The following LHX2 variants were observed in gnomAD, a reference collection of about 807,000 sequenced individuals.
LHX2 encodes the protein LIM homeobox 2.
In LHX2, 6 loss-of-function variants were observed where a neutral mutation model predicts 33.0. The ratio of observed to expected loss-of-function variants is 0.18; its 90% CI spans 0.10 to 0.36. LHX2 has a LOEUF of 0.36. LHX2 is among the 10% of genes least tolerant of loss of function. The pLI is 1.00. For missense variants in LHX2, 442 were observed against 586.2 expected (o/e 0.75, Z 2.54); for synonymous variants, 292 against 253.1 (o/e 1.15, Z -1.46).
At position 124,012,439 on chromosome 9, in the gene LHX2, T is replaced by C; in HGVS notation, c.91T>C (p.Ser31Pro). The C allele has an allele frequency of 6.5e-7, 1 of 1,540,542 alleles. No homozygotes were observed. Among genetic ancestry groups the C allele is most frequent in the East Asian group, 2.5e-5 (1 of 40,516 alleles). Residue 31 changes from serine (S) to proline (P), a missense_variant, in exon 1 of 5, where the codon TCC becomes CCC. Around this residue, in one of 5 missense-constraint regions of LHX2, gnomAD observed 97 missense variants for 81.5 expected, o/e 1.19. Transcript: ENST00000373615. This position sits in a 1 kb window ranked among gnomAD's most constrained non-coding sequence, Gnocchi z 4.3. ...RAKSEAPAIS[S>P]AIDRGDTETT... ...CAAGAGCGAGGCTCCCGCCATCAGCTCCGCCATCGACCGCGGCGACACCGA... is the reference window on the plus strand; with the variant it reads ...CAAGAGCGAGGCTCCCGCCATCAGCCCCGCCATCGACCGCGGCGACACCGA...
chr9:124,017,660 C>G (rs1229541687), intron 3 of LHX2, among the ~76,000 whole-genome samples: 1 of 152,202 alleles, frequency 6.6e-6, no homozygotes, highest in African/African-American at 2.4e-5. Context: ...CGACCCCTTG[C>G]AAAGCCTCTT....
intron 4 of LHX2, among the ~76,000 whole-genome samples, chr9:124,025,409 C>A (rs1311282117): frequency 6.7e-6 from 1 of 149,240 alleles, no homozygotes; most frequent in African/African-American, 2.5e-5. Context: ...CCACTGCACT[C>A]CAGCCTGGGC....
At chr9:124,027,889 A>G (rs1828650887) in intron 4 of LHX2, among the ~76,000 whole-genome samples, 1 of 146,862 alleles carries the variant, frequency 6.8e-6, no homozygotes, top group Non-Finnish European at 1.5e-5. Context: ...AAGGTACAAT[A>G]CCAGAAGGCA....
At chr9:124,023,944 C>T (rs371181364) in intron 4 of LHX2, among the ~76,000 whole-genome samples, 11 of 152,206 alleles carry the variant, frequency 7.2e-5, no homozygotes, top group African/African-American at 2.7e-4. Flanking sequence ...GCAGCATGAT[C>T]CCTCTTCCCC....
rs762815287 is a variant in LHX2 at position 124,032,598 on chromosome 9, C to A, written c.1112C>A (p.Thr371Asn). Residue 371 changes from threonine to asparagine, a missense_variant, in exon 5 of 5, where the codon ACT becomes AAT. Around this residue, in one of 5 missense-constraint regions of LHX2, gnomAD observed 109 missense variants for 98.7 expected, o/e 1.10. Coordinates refer to ENST00000373615, the MANE Select transcript of LHX2 (RefSeq NM_004789.4). The surrounding 1 kb of genome is among the most constrained non-coding windows in gnomAD (Gnocchi z 4.1). ...SSTPTTLTDL[T>N]SPTLPTVTSV... ...ACGCCCACCACCCTGACAGACTTGA[C>A]TAGCCCCACCCTGCCAACTGTGACG... is the stretch of plus-strand genomic sequence containing the variant. 3 of 1,614,202 alleles carry A rather than the reference C, an allele frequency of 1.9e-6. No homozygotes were observed. The Admixed American group carries it at 5.0e-5, about 27-fold the overall frequency.
At position 124,032,582 on chromosome 9, in the gene LHX2, AC is replaced by A; in HGVS notation, c.1099del (p.Leu367Ter). ...GCTCAGCCCCTCCAGCACGCCCACC[AC>A]CCTGACAGACTTGACTAGCCCCACC... The part of the protein sequence containing the change: ...ASLSPSSTPT[T>X]LTDLTSPTLP... On this transcript the variant is annotated frameshift_variant, in exon 5 of 5. Coordinates refer to ENST00000373615, the MANE Select transcript of LHX2 (RefSeq NM_004789.4). LOFTEE classifies it high-confidence loss of function. This position sits in a 1 kb window ranked among gnomAD's most constrained non-coding sequence, Gnocchi z 4.1. 6.2e-7 allele frequency: 1 copy of A among 1,613,816 alleles called. No homozygotes were observed. The highest frequency in any genetic ancestry group is 8.5e-7 in the Non-Finnish European group (1 of 1,179,944).
chr9:124,021,113 G>A lies in LHX2; in HGVS notation c.742G>A (p.Glu248Lys), dbSNP rs1303464139. Residue 248 changes from glutamate (E) to lysine (K), a missense_variant, in exon 4 of 5, where the codon GAA (glutamate) becomes AAA (lysine). Transcript: ENST00000373615. ...AAYNAALSCN[E>K]NDAEHLDRDQ... ...CTCCTCCCTAGCGCTAAGCTGCAAC[G>A]AAAACGACGCAGAGCACCTGGACCG... 1.2e-6 allele frequency: 2 copies of A among 1,614,040 alleles called. No homozygotes were observed. Among genetic ancestry groups the A allele is most frequent in the East Asian group, 2.2e-5 (1 of 44,894 alleles).
At chr9:124,013,898 C>T (rs1424365611) in intron 1 of LHX2, 63 bp from the exon 2 acceptor site, 2 of 1,523,396 alleles carry the variant, frequency 1.3e-6, no homozygotes, top group Admixed American at 1.7e-5. Context: ...GCCGGTTTCC[C>T]GGCGGCGGAG....
Position 124,032,577 on chromosome 9 carries a change from C to CTGA in LHX2, c.1091_1092insTGA (p.Pro364_Thr365insAsp). 1 of 1,614,176 alleles carries CTGA rather than the reference C, an allele frequency of 6.2e-7. No individual in the cohort carries two copies. Among genetic ancestry groups the CTGA allele is most frequent in the Non-Finnish European group, 8.5e-7 (1 of 1,180,022 alleles). On this transcript the variant is annotated inframe_insertion, in exon 5 of 5. Transcript: ENST00000373615. This position sits in a 1 kb window ranked among gnomAD's most constrained non-coding sequence, Gnocchi z 4.1. ...GCCTCGCTCAGCCCCTCCAGCACGC[C>CTGA]CACCACCCTGACAGACTTGACTAGC...
chr9:124,015,354 G>A lies in LHX2; in HGVS notation c.556G>A (p.Val186Met). 6.2e-7 allele frequency: 1 copy of A among 1,611,082 alleles called. No homozygotes were observed. The change falls in exon 3 of 5, where the codon GTG becomes ATG. Residue 186 changes from valine to methionine, a missense_variant. Val to Met is a conservative substitution (Grantham distance 21). Transcript: ENST00000373615. This position sits in a 1 kb window ranked among gnomAD's most constrained non-coding sequence, Gnocchi z 7.9. ...EYPAHFNHAD[V>M]AAAAAAAAAA... ...CCCCGCACACTTCAACCATGCCGACGTGGCAGCGGCGGCCGCTGCAGCCGC... is the reference window on the plus strand; with the variant it reads ...CCCCGCACACTTCAACCATGCCGACATGGCAGCGGCGGCCGCTGCAGCCGC...
Position 124,012,506 on chromosome 9 carries a change from G to T in LHX2, c.120+38G>T. The T allele has an allele frequency of 6.6e-7, 1 of 1,503,778 alleles. No individual in the cohort carries two copies. The highest frequency in any genetic ancestry group is 8.8e-7 in the Non-Finnish European group (1 of 1,132,334). The allele number at this position is 1,503,778 out of a possible 1,614,324, so 93.2% of individuals were successfully genotyped here. A position where few individuals can be genotyped will look rare whatever the true frequency, so the allele number is the denominator to read the frequency against. On this transcript the variant is annotated intron_variant, in intron 1 of 4. Coordinates refer to ENST00000373615, the MANE Select transcript of LHX2 (RefSeq NM_004789.4). This position sits in a 1 kb window ranked among gnomAD's most constrained non-coding sequence, Gnocchi z 4.3. ...CTGTGGGGTCGGGGCTGAGAGCTGG[G>T]ATGGGGCCGGGCCAGTCAGCGCCTC...
At position 124,013,993 on chromosome 9, in the gene LHX2, G is replaced by A. The variant is rs149553241; in HGVS notation, c.153G>A (p.Ala51=). Reference sequence around the variant, plus strand: ...CGTCCATCAGCAGTGACCGCGCCGCGCTGTGCGCCGGCTGCGGGGGCAAGA... The same window carrying A: ...CGTCCATCAGCAGTGACCGCGCCGCACTGTGCGCCGGCTGCGGGGGCAAGA... ...TMPSISSDRA[A]LCAGCGGKIS... Residue 51 remains alanine, a synonymous_variant, in exon 2 of 5, where the codon GCG becomes GCA. Coordinates refer to ENST00000373615, the MANE Select transcript of LHX2 (RefSeq NM_004789.4). 3.1e-6 allele frequency: 5 copies of A among 1,613,216 alleles called. No individual in the cohort carries two copies. The African/African-American group carries it at 4.0e-5, about 13-fold the overall frequency.
chr9:124,028,324 G>C (rs1044831860), intron 4 of LHX2, among the ~76,000 whole-genome samples: 1 of 152,204 alleles, frequency 6.6e-6, no homozygotes, highest in Non-Finnish European at 1.5e-5. Context: ...GTTGTGTCCT[G>C]ATGATTCTCT....
Position 124,032,312 on chromosome 9 carries a change from CA to C in LHX2, c.934-104del. ...AACCTGACTTTTTGGATCCTCTTGG[CA>C]AAACACAGATCAGCGTCCCCAGAGG... On this transcript the variant is annotated intron_variant, in intron 4 of 4. Coordinates refer to ENST00000373615, the MANE Select transcript of LHX2 (RefSeq NM_004789.4). The surrounding 1 kb of genome is among the most constrained non-coding windows in gnomAD (Gnocchi z 4.1). 7.4e-7 allele frequency: 1 copy of C among 1,342,806 alleles called. No individual in the cohort carries two copies. Among genetic ancestry groups the C allele is most frequent in the Non-Finnish European group, 9.9e-7 (1 of 1,005,438 alleles). 83.2% of individuals were successfully genotyped at this position (1,342,806 alleles called of 1,614,324 possible).
intron 4 of LHX2, among the ~76,000 whole-genome samples, chr9:124,023,426 G>C (rs906239846): frequency 3.3e-5 from 5 of 152,208 alleles, no homozygotes; most frequent in Non-Finnish European, 7.3e-5. Flanking sequence ...GGTCAGGGGA[G>C]GGAGGGCAGT....
At position 124,012,235 on chromosome 9, in the gene LHX2, G is replaced by A. The variant is rs1179529964; in HGVS notation, c.-114G>A. The A allele has an allele frequency of 4.5e-6, 5 of 1,115,076 alleles. No individual in the cohort carries two copies. The African/African-American group carries it at 5.0e-5, about 11-fold the overall frequency. The allele number at this position is 1,115,076 out of a possible 1,614,324, so 69.1% of individuals were successfully genotyped here. A position where few individuals can be genotyped will look rare whatever the true frequency, so the allele number is the denominator to read the frequency against. The stretch of plus-strand genomic sequence containing the variant: ...CTCAGCCGAGCTCGGGCGGGGCCGG[G>A]GCCGCGGTGGCGATGCACCGGGCCC... On this transcript the variant is annotated 5_prime_UTR_variant, in exon 1 of 5. Coordinates refer to ENST00000373615, the MANE Select transcript of LHX2 (RefSeq NM_004789.4). The surrounding 1 kb of genome is among the most constrained non-coding windows in gnomAD (Gnocchi z 4.3).
Position 124,015,032 on chromosome 9 carries a change from G to A in LHX2, c.324-90G>A, listed in dbSNP as rs1588345337. 8.1e-6 allele frequency: 12 copies of A among 1,473,604 alleles called. No homozygotes were observed. In the South Asian group the frequency reaches 1.5e-4, roughly 18 times the overall value. The allele number at this position is 1,473,604 out of a possible 1,614,324, so 91.3% of individuals were successfully genotyped here. On this transcript the variant is annotated intron_variant, in intron 2 of 4. Coordinates refer to ENST00000373615, the MANE Select transcript of LHX2 (RefSeq NM_004789.4). This position sits in a 1 kb window ranked among gnomAD's most constrained non-coding sequence, Gnocchi z 7.9. The stretch of plus-strand genomic sequence containing the variant: ...GGTTGTTCGTCTTGAGGAGGGGATT[G>A]CCCCCCGCAGCAGCAGCGGCACCTG...
rs913494301 is a variant in LHX2, at chr9:124,015,704, C to A, written c.727+179C>A. Among the ~76,000 whole-genome samples the A allele has an allele frequency of 3.7e-4, 56 of 152,354 alleles. No individual in the cohort carries two copies. The highest frequency in any genetic ancestry group is 1.3e-3 in the African/African-American group (54 of 41,582). ...CCAGACTGTGCGTCCTCGGCTGGAG[C>A]GGGAGGAGAGGGTGCAGTGGTCCCT... On this transcript the variant is annotated intron_variant, in intron 3 of 4. Coordinates refer to ENST00000373615, the MANE Select transcript of LHX2 (RefSeq NM_004789.4). This position sits in a 1 kb window ranked among gnomAD's most constrained non-coding sequence, Gnocchi z 7.9.
At position 124,014,287 on chromosome 9, in the gene LHX2, TC is replaced by T. The variant is rs369078188; in HGVS notation, c.323+132del. The T allele has an allele frequency of 9.5e-5, 56 of 587,548 alleles. No homozygotes were observed. The highest frequency in any genetic ancestry group is 1.8e-4 in the East Asian group (6 of 33,010). The allele number at this position is 587,548 out of a possible 1,614,324, so 36.4% of individuals were successfully genotyped here. On this transcript the variant is annotated intron_variant, in intron 2 of 4. Transcript: ENST00000373615. This position sits in a 1 kb window ranked among gnomAD's most constrained non-coding sequence, Gnocchi z 4.8. ...GGTTCACTACTCAGGACTCCCCCGC[TC>T]CCCCCCCAAGTTCTCCAAGCCACCA... is the stretch of plus-strand genomic sequence containing the variant.
Sources: allele counts gnomAD v4.1 joint callset (sites outside exome capture counted in the v4.1 genomes callset), GRCh38; gene constraint gnomAD v4.1.1; regional missense constraint gnomAD v4.1.1; non-coding constraint Gnocchi (gnomAD v3.1); transcripts MANE v1.5; gene names NCBI Gene and HGNC (gene_info 2026-07-23, HGNC 2026-07-21).